The following KANK1 variants were observed in gnomAD, a reference collection of about 807,000 sequenced individuals.
The protein encoded by KANK1 is KN motif and ankyrin repeat domain-containing protein 1.
In KANK1, 109 loss-of-function variants were observed where a neutral mutation model predicts 106.2. That is an observed-to-expected ratio of 1.03 (90% CI 0.88 to 1.20). KANK1 has a LOEUF of 1.20. Among genes scored for constraint, KANK1 ranks in the 50% most tolerant of loss-of-function variants. KANK1 has a pLI of 0.00. For synonymous variants in KANK1, 873 were observed against 652.2 expected (o/e 1.34, Z -5.16); for missense variants, 2,399 against 1,710.7 (o/e 1.40, Z -7.10).
chr9:596,875 C>G (rs879439833), intron 1 of KANK1, among the ~76,000 whole-genome samples: 6 of 151,772 alleles, frequency 4.0e-5, no homozygotes, highest in African/African-American at 1.2e-4. Flanking sequence ...AAGAAAACCC[C>G]GTACCCAGTA....
chr9:624,592 C>A (rs913484160), intron 1 of KANK1, among the ~76,000 whole-genome samples: 3 of 152,016 alleles, frequency 2.0e-5, no homozygotes, highest in African/African-American at 7.2e-5. Context: ...CACTTGAGAT[C>A]AGGAGTTTGA....
intron 11 of KANK1, chr9:744,792 C>T: frequency 1.4e-6 from 2 of 1,458,540 alleles, no homozygotes; most frequent in Non-Finnish European, 1.8e-6. Flanking sequence ...CTGGACCTTG[C>T]TTGTCCTTGC....
At chr9:587,205 C>G (rs1243650790) in intron 1 of KANK1, among the ~76,000 whole-genome samples, 1 of 152,046 alleles carries the variant, frequency 6.6e-6, no homozygotes, top group Non-Finnish European at 1.5e-5. Context: ...TTTAACTTTG[C>G]TTTTTAGAGG....
chr9:707,396 C>CTA (rs1486439411), intron 2 of KANK1: 2 of 228,116 alleles, frequency 8.8e-6, no homozygotes, highest in East Asian at 3.6e-4. Flanking sequence ...CCGCCGGCTC[C>CTA]CACACACACA....
intron 1 of KANK1, among the ~76,000 whole-genome samples, chr9:650,886 C>T (rs1041449702): frequency 1.3e-5 from 2 of 152,012 alleles, no homozygotes; most frequent in African/African-American, 4.8e-5. Flanking sequence ...GAGGGAAGGG[C>T]TGGAAGACTA....
At chr9:677,858 C>T (rs748213420) in intron 2 of KANK1, among the ~76,000 whole-genome samples, 2 of 152,186 alleles carry the variant, frequency 1.3e-5, no homozygotes, top group Non-Finnish European at 2.9e-5. Context: ...AATTTGAGTC[C>T]TAGTTCCAGC....
intron 1 of KANK1, among the ~76,000 whole-genome samples, chr9:545,751 T>A (rs1427717787): frequency 3.6e-4 from 41 of 112,350 alleles, no homozygotes; most frequent in Middle Eastern, 4.7e-3. Flanking sequence ...TTTTTTTTTT[T>A]AAATTCCCTG....
intron 1 of KANK1, among the ~76,000 whole-genome samples, chr9:599,111 C>A (rs958175380): frequency 2.0e-5 from 3 of 148,916 alleles, no homozygotes; most frequent in Non-Finnish European, 4.4e-5. Flanking sequence ...CTCCACCTCC[C>A]AGGGTCAAGC....
chr9:607,647 A>G (rs968248857), intron 1 of KANK1, among the ~76,000 whole-genome samples: 21 of 151,654 alleles, frequency 1.4e-4, no homozygotes, highest in Admixed American at 7.2e-4. Context: ...CCAGTCCAGG[A>G]CGGCTAGCCT....
intron 1 of KANK1, among the ~76,000 whole-genome samples, chr9:631,768 T>C (rs1835805525): frequency 6.6e-6 from 1 of 152,232 alleles, no homozygotes; most frequent in Admixed American, 6.5e-5. Flanking sequence ...CTGTGGTCTC[T>C]TCTTCCCTTT....
At chr9:516,420 A>G (rs2059280829) in intron 1 of KANK1, among the ~76,000 whole-genome samples, 1 of 151,722 alleles carries the variant, frequency 6.6e-6, no homozygotes. Flanking sequence ...AGCGATTCAA[A>G]TAACTGCTGA....
At chr9:536,316 TG>T (rs1393524529) in intron 1 of KANK1, among the ~76,000 whole-genome samples, 1 of 152,168 alleles carries the variant, frequency 6.6e-6, no homozygotes, top group Admixed American at 6.5e-5. Context: ...CACTCCAACT[TG>T]GGCAACAGAG....
chr9:509,781 T>G (rs1329622534), intron 1 of KANK1, among the ~76,000 whole-genome samples: 1 of 152,182 alleles, frequency 6.6e-6, no homozygotes, highest in Non-Finnish European at 1.5e-5. Context: ...GAACCTAATA[T>G]GGAATTGATT....
intron 1 of KANK1, among the ~76,000 whole-genome samples, chr9:630,941 C>G (rs1835566001): frequency 6.8e-6 from 1 of 147,548 alleles, no homozygotes; most frequent in Non-Finnish European, 1.5e-5. Context: ...GGTGACAGAG[C>G]AAGACTCTGT....
intron 1 of KANK1, among the ~76,000 whole-genome samples, chr9:561,634 C>T (rs553767780): frequency 6.2e-4 from 95 of 152,222 alleles, no homozygotes; most frequent in African/African-American, 2.2e-3. Context: ...TAATAGGAAC[C>T]GCATGTGTTA....
At chr9:727,731 G>T (rs1023043647) in intron 3 of KANK1, among the ~76,000 whole-genome samples, 1 of 141,010 alleles carries the variant, frequency 7.1e-6, no homozygotes, top group Admixed American at 7.1e-5. Flanking sequence ...TGTGTGTGTG[G>T]TAATGTATTT....
rs182389322 is a variant in KANK1 at position 471,887 on chromosome 9, C to T, written c.-442+1205C>T. ...CATGGTAGGTGGGTGTTGCTAGCCA[C>T]ATGAGGATATGTGAGCCGGTCACCA... is the stretch of plus-strand genomic sequence containing the variant. On this transcript the variant is annotated intron_variant, in intron 2 of 15. Transcript: ENST00000382303. 4.6e-4 allele frequency among the ~76,000 whole-genome samples: 70 copies of T among 152,258 alleles called. 1 individual carries two copies. The highest frequency in any genetic ancestry group is 2.9e-3 in the Admixed American group (45 of 15,296).
intron 1 of KANK1, chr9:539,729 CT>C (rs111384811): frequency 0.41 from 61,410 of 151,612 alleles, 16,577 homozygotes; most frequent in East Asian, 0.74. Context: ...TCAAGCAGTC[CT>C]TCTGCCTTGG....
chr9:508,061 A>G (rs2058848447), intron 1 of KANK1, among the ~76,000 whole-genome samples: 1 of 136,064 alleles, frequency 7.3e-6, no homozygotes, highest in South Asian at 2.5e-4. Flanking sequence ...ACGTCAGGTT[A>G]TCCATCCGCC....
Sources: allele counts gnomAD v4.1 joint callset (sites outside exome capture counted in the v4.1 genomes callset), GRCh38; gene constraint gnomAD v4.1.1; transcripts MANE v1.5; gene names NCBI Gene and HGNC (gene_info 2026-07-23, HGNC 2026-07-21).